Variants in COL11A1 observed in about 807,000 individuals in gnomAD.
COL11A1 encodes the protein collagen type XI alpha 1 chain, also known as collagen alpha-1(XI) chain.
COL11A1 carries 74 observed loss-of-function variants against 265.2 expected under a neutral mutation model. The observed-to-expected ratio is 0.28, with a 90% CI of 0.23 to 0.34. The LOEUF is 0.34. Ranked by LOEUF, COL11A1 falls within the 10% of genes least tolerant of loss-of-function variation. The pLI is 1.00. For missense variants in COL11A1, 2,165 were observed against 2,263.6 expected (o/e 0.96, Z 0.88); for synonymous variants, 816 against 727.6 (o/e 1.12, Z -1.96).
rs1662864674 is a variant in COL11A1 at position 102,979,798 on chromosome 1, C to T, written c.2557-363G>A. On this transcript the variant is annotated intron_variant, in intron 31 of 66. Coordinates refer to ENST00000370096, the MANE Select transcript of COL11A1 (RefSeq NM_001854.4). ...ACTCTAAAGAAAAATCCTATTTTCA[C>T]AAACAGGAATAGTCAAATATTAAAA... Among the ~76,000 whole-genome samples the T allele has an allele frequency of 2.6e-5, 4 of 152,102 alleles. No homozygotes were observed. In the South Asian group the frequency reaches 8.3e-4, roughly 31 times the overall value.
chr1:102,913,269 A>G (rs540120306), intron 53 of COL11A1, among the ~76,000 whole-genome samples: 1 of 152,324 alleles, frequency 6.6e-6, no homozygotes, highest in South Asian at 2.1e-4. Flanking sequence ...AATTAATATA[A>G]TTCATGCTAA....
chr1:102,967,295 C>T (rs535340297), intron 37 of COL11A1, among the ~76,000 whole-genome samples: 28 of 113,308 alleles, frequency 2.5e-4, no homozygotes, highest in South Asian at 1.9e-3. Context: ...GGCTGGAGTG[C>T]AGTGGCGCGA....
At chr1:102,947,508 T>G (rs1659425612) in intron 41 of COL11A1, among the ~76,000 whole-genome samples, 1 of 152,142 alleles carries the variant, frequency 6.6e-6, no homozygotes, top group African/African-American at 2.4e-5. Flanking sequence ...GTCTGGACGT[T>G]TTCCCAAAGG....
At chr1:102,936,022 T>C (rs904460813) in intron 44 of COL11A1, among the ~76,000 whole-genome samples, 1 of 152,166 alleles carries the variant, frequency 6.6e-6, no homozygotes, top group African/African-American at 2.4e-5. Context: ...CCATTTGTAA[T>C]AGCATTAATT....
intron 40 of COL11A1, 53 bp from the exon 41 acceptor site, chr1:102,961,972 A>G: frequency 1.4e-6 from 2 of 1,478,944 alleles, no homozygotes; most frequent in Non-Finnish European, 1.9e-6. Context: ...TTGAATACCA[A>G]TAGGAGGAGA....
At chr1:102,929,648 T>G (rs1657134561) in intron 46 of COL11A1, among the ~76,000 whole-genome samples, 1 of 152,118 alleles carries the variant, frequency 6.6e-6, no homozygotes, top group Non-Finnish European at 1.5e-5. Context: ...GGTAGCTTGA[T>G]GGGGATGGCA....
intron 4 of COL11A1, among the ~76,000 whole-genome samples, chr1:103,037,949 G>T (rs1457313985): frequency 1.3e-5 from 2 of 152,038 alleles, no homozygotes; most frequent in African/African-American, 4.8e-5. Flanking sequence ...AAATCATCTA[G>T]ATTCCAAATT....
At chr1:102,948,088 A>G (rs1009663379) in intron 41 of COL11A1, among the ~76,000 whole-genome samples, 1 of 151,960 alleles carries the variant, frequency 6.6e-6, no homozygotes, top group Non-Finnish European at 1.5e-5. Context: ...ATTAGAAATC[A>G]TTTTATTATA....
chr1:103,006,235 A>G lies in COL11A1; in HGVS notation c.1737+27T>C, dbSNP rs781620387. 8.3e-6 allele frequency: 13 copies of G among 1,573,110 alleles called. No individual in the cohort carries two copies. In the Middle Eastern group the frequency reaches 2.2e-3, roughly 265 times the overall value. On this transcript the variant is annotated intron_variant, in intron 16 of 66. Coordinates refer to ENST00000370096, the MANE Select transcript of COL11A1 (RefSeq NM_001854.4). Reference sequence around the variant, plus strand: ...ACTAATGATCATGGCAGATGCCTTCAAAATGCACAATGAAAATAAGCCATA... The same window carrying G: ...ACTAATGATCATGGCAGATGCCTTCGAAATGCACAATGAAAATAAGCCATA...
intron 49 of COL11A1, among the ~76,000 whole-genome samples, chr1:102,919,320 T>C (rs1484958494): frequency 7.4e-6 from 1 of 134,940 alleles, no homozygotes; most frequent in Non-Finnish European, 1.6e-5. Context: ...GGTGTCAAGC[T>C]GAAGTAGATA....
Position 102,978,686 on chromosome 1 carries a change from T to A in COL11A1, c.2754+22A>T, listed in dbSNP as rs764105094. On this transcript the variant is annotated intron_variant, in intron 35 of 66. Transcript: ENST00000370096. ...AGAAATACTAATTTTCATTTTATAT[T>A]ATGTGGCTGTATCATACGTACTCTT... is the stretch of plus-strand genomic sequence containing the variant. The A allele has an allele frequency of 5.0e-6, 8 of 1,611,884 alleles. No individual in the cohort carries two copies. In the East Asian group the frequency reaches 1.1e-4, roughly 22 times the overall value.
At chr1:102,944,020 A>T (rs1442292877) in intron 42 of COL11A1, among the ~76,000 whole-genome samples, 2 of 152,112 alleles carry the variant, frequency 1.3e-5, no homozygotes, top group African/African-American at 4.8e-5. Context: ...TAGAGTTTCT[A>T]ATCTAACTGA....
At chr1:103,064,215 G>T (rs1025146280) in intron 4 of COL11A1, among the ~76,000 whole-genome samples, 1 of 152,042 alleles carries the variant, frequency 6.6e-6, no homozygotes, top group African/African-American at 2.4e-5. Context: ...TTATCCAAAT[G>T]ATTTGAAAAT....
rs564252658 is a variant in COL11A1 at position 102,880,045 on chromosome 1, C to A, written c.5041-129G>T. On this transcript the variant is annotated intron_variant, in intron 65 of 66. Transcript: ENST00000370096. ...AGATGAATCAAAAGACCCACCTTAA[C>A]CTAATGAAAAAAAGTGTACATTGAG... 3.0e-4 allele frequency: 202 copies of A among 676,890 alleles called. 1 individual carries two copies. The South Asian group carries it at 3.3e-3, about 11-fold the overall frequency. 41.9% of individuals were successfully genotyped at this position (676,890 alleles called of 1,614,324 possible).
At chr1:102,915,790 A>G in intron 49 of COL11A1, 106 bp from the exon 50 acceptor site, 1 of 923,294 alleles carries the variant, frequency 1.1e-6, no homozygotes, top group Non-Finnish European at 1.6e-6. Flanking sequence ...ATTTTTTTAT[A>G]TTATTTAAAA....
At chr1:102,930,942 C>T (rs1336240778) in intron 46 of COL11A1, among the ~76,000 whole-genome samples, 36 of 149,590 alleles carry the variant, frequency 2.4e-4, no homozygotes, top group Non-Finnish European at 3.3e-4. Context: ...GGTGATATCC[C>T]CTTTATCATT....
chr1:103,026,162 C>A lies in COL11A1; in HGVS notation c.897+54G>T. 8 of 1,333,020 alleles carry A rather than the reference C, an allele frequency of 6.0e-6. No individual in the cohort carries two copies. In the South Asian group the frequency reaches 9.4e-5, roughly 16 times the overall value. 82.6% of individuals were successfully genotyped at this position (1,333,020 alleles called of 1,614,324 possible). A position where few individuals can be genotyped will look rare whatever the true frequency, so the allele number is the denominator to read the frequency against. On this transcript the variant is annotated intron_variant, in intron 6 of 66. Coordinates refer to ENST00000370096, the MANE Select transcript of COL11A1 (RefSeq NM_001854.4). ...TTGAGGAACAGTCAACATAAGGAAC[C>A]ACAGGATGACGAACAGCAGGACACC...
At chr1:102,913,079 T>C (rs1490186497) in intron 53 of COL11A1, among the ~76,000 whole-genome samples, 1 of 152,168 alleles carries the variant, frequency 6.6e-6, no homozygotes, top group Non-Finnish European at 1.5e-5. Context: ...GCAAAGCATC[T>C]AGTGGGAATG....
At chr1:102,922,184 A>T (rs571141669) in intron 47 of COL11A1, among the ~76,000 whole-genome samples, 8 of 152,202 alleles carry the variant, frequency 5.3e-5, no homozygotes, top group Admixed American at 2.0e-4. Flanking sequence ...TTTGTTTTTC[A>T]CTGTACATTA....
Sources: gnomAD v4.1 joint callset for allele counts (sites outside exome capture counted in the v4.1 genomes callset) on GRCh38, gnomAD v4.1.1 for gene constraint, MANE v1.5 for transcripts, NCBI Gene and HGNC (gene_info 2026-07-23, HGNC 2026-07-21) for gene names.